CFAP91: variants seen among roughly 807,000 people sequenced by gnomAD.
CFAP91 encodes cilia- and flagella-associated protein 91.
Under a neutral mutation model 95.9 loss-of-function variants are expected in CFAP91, and 85 were observed. The observed-to-expected ratio is 0.89, with a 90% confidence interval of 0.74 to 1.06. CFAP91 has a LOEUF of 1.06. CFAP91 is among the 50% of genes least tolerant of loss of function. The pLI is 0.00. For missense variants in CFAP91, 962 were observed against 943.4 expected (o/e 1.02, Z -0.26); for synonymous variants, 335 against 327.5 (o/e 1.02, Z -0.25).
rs940740255 is a variant in CFAP91 at position 119,744,041 on chromosome 3, C to A, written c.1747C>A (p.Leu583Met). 3.1e-6 allele frequency: 5 copies of A among 1,614,034 alleles called. No homozygotes were observed. Among genetic ancestry groups the A allele is most frequent in the Non-Finnish European group, 4.2e-6 (5 of 1,179,988 alleles). The change falls in exon 14 of 18, where the codon CTG becomes ATG. Residue 583 changes from leucine (L) to methionine (M), a missense_variant. Leu to Met is a conservative substitution (Grantham distance 15, BLOSUM62 2). Coordinates refer to ENST00000273390, the MANE Select transcript of CFAP91 (RefSeq NM_033364.4). ...GRALADMFDFLSKELVRLQEE... is the reference protein window; with the variant it reads ...GRALADMFDFMSKELVRLQEE... ...GGCACTAGCAGACATGTTTGACTTC[C>A]TGTCCAAAGAGCTGGTGAGACTGCA...
chr3:119,719,125 G>T (rs1218659122), intron 6 of CFAP91, among the ~76,000 whole-genome samples: 1 of 152,170 alleles, frequency 6.6e-6, no homozygotes, highest in Non-Finnish European at 1.5e-5. Context: ...ACAACTACAT[G>T]TGATTACAAG....
intron 16 of CFAP91, chr3:119,750,701 G>A: frequency 1.9e-6 from 1 of 520,006 alleles, no homozygotes; most frequent in Non-Finnish European, 3.5e-6. Context: ...GTTTTAGAGT[G>A]CAGGCATTCC....
chr3:119,746,226 G>A (rs559108981), intron 14 of CFAP91, among the ~76,000 whole-genome samples: 7 of 152,340 alleles, frequency 4.6e-5, no homozygotes, highest in African/African-American at 1.7e-4. Context: ...GTGGCCTTCT[G>A]AGATACTGGC....
At chr3:119,763,727 G>T (rs1192279931) in intron 17 of CFAP91, among the ~76,000 whole-genome samples, 5 of 152,020 alleles carry the variant, frequency 3.3e-5, no homozygotes, top group African/African-American at 1.2e-4. Flanking sequence ...ATAATGCCAT[G>T]AACCAGGTGT....
intron 17 of CFAP91, among the ~76,000 whole-genome samples, chr3:119,762,766 C>T (rs578074667): frequency 1.4e-4 from 21 of 152,102 alleles, no homozygotes; most frequent in African/African-American, 4.3e-4. Flanking sequence ...TGGATATCTA[C>T]ATACAGAAGA....
At chr3:119,730,447 G>A in intron 8 of CFAP91, 70 bp downstream of exon 8, 1 of 1,470,624 alleles carries the variant, frequency 6.8e-7, no homozygotes, top group East Asian at 2.3e-5. Context: ...GACCAAACCT[G>A]ACTTAACTAT....
chr3:119,722,733 A>G (rs988462931), intron 6 of CFAP91, among the ~76,000 whole-genome samples: 2 of 152,094 alleles, frequency 1.3e-5, no homozygotes, highest in African/African-American at 2.4e-5. Flanking sequence ...GGACCTAGAA[A>G]TTCTCCTGTC....
intron 5 of CFAP91, chr3:119,715,344 A>G (rs2053553536): frequency 1.5e-6 from 1 of 675,504 alleles, no homozygotes; most frequent in Non-Finnish European, 2.7e-6. Context: ...TGGTACTTTG[A>G]CCCACTTAGT....
chr3:119,727,871 A>G (rs184967562), intron 7 of CFAP91, among the ~76,000 whole-genome samples: 2 of 152,182 alleles, frequency 1.3e-5, no homozygotes, highest in Admixed American at 6.5e-5. Context: ...TCAGACAATA[A>G]TATCAGAAGC....
intron 3 of CFAP91, among the ~76,000 whole-genome samples, chr3:119,707,870 TGG>T (rs1321334768): frequency 3.9e-5 from 6 of 151,998 alleles, no homozygotes; most frequent in Admixed American, 3.9e-4. Context: ...AAATATTTTT[TGG>T]GAACTTGGGG....
At chr3:119,716,811 C>T (rs1327457596) in intron 6 of CFAP91, among the ~76,000 whole-genome samples, 5 of 152,126 alleles carry the variant, frequency 3.3e-5, no homozygotes, top group African/African-American at 7.2e-5. Flanking sequence ...AGGATGGTCT[C>T]GATCCCCTGA....
intron 5 of CFAP91, 150 bp from the exon 6 acceptor site, chr3:119,715,412 T>A (rs750960944): frequency 1.3e-6 from 1 of 757,618 alleles, no homozygotes; most frequent in Admixed American, 1.9e-5. Flanking sequence ...CGCATAATCC[T>A]GGTTATAATG....
In CFAP91 at chr3:119,739,506, G is replaced by A. The variant is rs139193587; in HGVS notation, c.1533+180G>A. The stretch of plus-strand genomic sequence containing the variant: ...CCATTTCCTTCTAATGGCATCATTT[G>A]TCCAGGTGGGTGGCACAGTGTCAAG... On this transcript the variant is annotated intron_variant, in intron 12 of 17. Coordinates refer to ENST00000273390, the MANE Select transcript of CFAP91 (RefSeq NM_033364.4). 1.1e-5 allele frequency: 6 copies of A among 565,518 alleles called. No homozygotes were observed. In the Admixed American group the frequency reaches 1.6e-4, roughly 15 times the overall value. The allele number at this position is 565,518 out of a possible 1,614,324, so 35.0% of individuals were successfully genotyped here.
chr3:119,749,530 A>C (rs1174524611), intron 16 of CFAP91, among the ~76,000 whole-genome samples: 2 of 152,096 alleles, frequency 1.3e-5, no homozygotes, highest in East Asian at 3.9e-4. Flanking sequence ...CTAAAAAAAA[A>C]AAGAAAATTT....
chr3:119,762,500 G>A (rs1054886125), intron 17 of CFAP91, among the ~76,000 whole-genome samples: 2 of 151,906 alleles, frequency 1.3e-5, no homozygotes, highest in South Asian at 4.1e-4. Flanking sequence ...AAATTCATAT[G>A]GAACCATGAA....
chr3:119,758,689 G>A (rs2054478207), intron 17 of CFAP91, among the ~76,000 whole-genome samples: 1 of 152,010 alleles, frequency 6.6e-6, no homozygotes, highest in Non-Finnish European at 1.5e-5. Context: ...TTATATAAAA[G>A]TATATAATTG....
chr3:119,718,406 A>C (rs1414528444), intron 6 of CFAP91, among the ~76,000 whole-genome samples: 1 of 152,236 alleles, frequency 6.6e-6, no homozygotes, highest in Non-Finnish European at 1.5e-5. Flanking sequence ...TCCACAATGC[A>C]ACATATAGTG....
intron 6 of CFAP91, among the ~76,000 whole-genome samples, chr3:119,722,177 TAA>T (rs569308101): frequency 7.8e-4 from 71 of 91,156 alleles, no homozygotes; most frequent in Admixed American, 7.5e-4. Context: ...ACCCTGTCTC[TAA>T]AAAAAAAAAA....
At chr3:119,716,025 C>T (rs942718899) in intron 6 of CFAP91, 12 of 560,672 alleles carry the variant, frequency 2.1e-5, no homozygotes, top group African/African-American at 2.1e-4. Flanking sequence ...TCTCATTTCT[C>T]TCTCCTAGTG....
Sources: allele counts gnomAD v4.1 joint callset (sites outside exome capture counted in the v4.1 genomes callset), GRCh38; gene constraint gnomAD v4.1.1; transcripts MANE v1.5; gene names NCBI Gene and HGNC (gene_info 2026-07-23, HGNC 2026-07-21).